The following ZSWIM5 variants were observed in gnomAD, a reference collection of about 807,000 sequenced individuals.
ZSWIM5 encodes the protein zinc finger SWIM-type containing 5.
ZSWIM5 carries 55 observed loss-of-function variants against 119.6 expected under a neutral mutation model. The ratio of observed to expected loss-of-function variants is 0.46; its 90% confidence interval spans 0.37 to 0.58. ZSWIM5 has a LOEUF of 0.58. Among genes scored for constraint, ZSWIM5 ranks in the 20% least tolerant of loss-of-function variants. ZSWIM5 has a pLI of 0.00. For synonymous variants in ZSWIM5, 537 were observed against 606.9 expected (o/e 0.88, Z 1.69); for missense variants, 1,193 against 1,512.8 (o/e 0.79, Z 3.51).
At chr1:45,100,085 T>G (rs922238654) in intron 1 of ZSWIM5, among the ~76,000 whole-genome samples, 1 of 152,066 alleles carries the variant, frequency 6.6e-6, no homozygotes, top group Non-Finnish European at 1.5e-5. Flanking sequence ...GGGTATCCAA[T>G]TAGGAAAAGA....
chr1:45,185,131 G>A (rs897148684), intron 1 of ZSWIM5, among the ~76,000 whole-genome samples: 4 of 152,000 alleles, frequency 2.6e-5, no homozygotes, highest in South Asian at 4.1e-4. Flanking sequence ...ACAAACCTGA[G>A]AAAAACAAGC....
rs377742664 is a variant in ZSWIM5 at position 45,021,654 on chromosome 1, A to G, written c.2450-866T>C. ...TGTAACTGCTGATAAAGTCAAAGAG[A>G]AGGAATGGTATGACTACAGGCTTTG... On this transcript the variant is annotated intron_variant, in intron 11 of 13. Transcript: ENST00000359600. 1.3e-3 allele frequency among the ~76,000 whole-genome samples: 200 copies of G among 152,278 alleles called. 8 individuals carry two copies. The South Asian group carries it at 0.04, about 30-fold the overall frequency.
At chr1:45,093,860 T>C (rs1354614632) in intron 1 of ZSWIM5, among the ~76,000 whole-genome samples, 2 of 150,798 alleles carry the variant, frequency 1.3e-5, no homozygotes, top group Non-Finnish European at 3.0e-5. Context: ...TTTTTTTTTT[T>C]TGAGACAGGG....
chr1:45,094,352 C>T (rs1451625600), intron 1 of ZSWIM5, among the ~76,000 whole-genome samples: 1 of 152,056 alleles, frequency 6.6e-6, no homozygotes, highest in Non-Finnish European at 1.5e-5. Flanking sequence ...CTGTGCCCAG[C>T]TGCCTGGCTA....
In ZSWIM5 at chr1:45,162,783, C is replaced by G. The variant is rs189364258; in HGVS notation, c.595+42973G>C. On this transcript the variant is annotated intron_variant, in intron 1 of 13. Transcript: ENST00000359600. Reference sequence around the variant, plus strand: ...AGCCAGGCTGGGGGAGGGGCACCCGCCATTGCTGAGGCTTGAGCAGGTAAG... The same window carrying G: ...AGCCAGGCTGGGGGAGGGGCACCCGGCATTGCTGAGGCTTGAGCAGGTAAG... Among the ~76,000 whole-genome samples, 448 of 152,340 alleles carry G rather than the reference C, an allele frequency of 2.9e-3. 2 individuals carry two copies. The highest frequency in any genetic ancestry group is 0.01 in the African/African-American group (433 of 41,596).
chr1:45,042,026 C>A (rs1327325745), intron 6 of ZSWIM5, among the ~76,000 whole-genome samples: 2 of 152,068 alleles, frequency 1.3e-5, no homozygotes, highest in Non-Finnish European at 2.9e-5. Flanking sequence ...TATTGTTGGA[C>A]ATTTATATGG....
chr1:45,181,309 C>T (rs1166546240), intron 1 of ZSWIM5, among the ~76,000 whole-genome samples: 7 of 151,646 alleles, frequency 4.6e-5, no homozygotes, highest in African/African-American at 9.7e-5. Flanking sequence ...GGAGCCGATG[C>T]GATCAACTGG....
In ZSWIM5 at chr1:45,196,278, T is replaced by C. The variant is rs151017084; in HGVS notation, c.595+9478A>G. On this transcript the variant is annotated intron_variant, in intron 1 of 13. Transcript: ENST00000359600. The stretch of plus-strand genomic sequence containing the variant: ...AAATTTGGTCCTAATTCTCAGCAGA[T>C]TCTGACGTGATTAATTTGGGGTGAG... Among the ~76,000 whole-genome samples, 1,512 of 151,924 alleles carry C rather than the reference T, an allele frequency of 1.0e-2. 31 individuals are homozygous for C. The highest frequency in any genetic ancestry group is 0.034 in the African/African-American group (1,419 of 41,436).
intron 1 of ZSWIM5, among the ~76,000 whole-genome samples, chr1:45,196,384 CTTTTTTTTTTTT>C (rs767673983): frequency 5.2e-5 from 4 of 76,384 alleles, no homozygotes; most frequent in Admixed American, 1.8e-4. Flanking sequence ...CCCACAATTC[CTTTTTTTTTTTT>C]TTTTTTTTTT....
chr1:45,039,192 C>T (rs1000090318), intron 7 of ZSWIM5, 119 bp from the exon 8 acceptor site: 4 of 1,262,740 alleles, frequency 3.2e-6, no homozygotes, highest in African/African-American at 1.5e-5. Context: ...AAAAGCTTCT[C>T]TATTGTCTTG....
chr1:45,116,745 G>T (rs1645560514), intron 1 of ZSWIM5, among the ~76,000 whole-genome samples: 1 of 151,142 alleles, frequency 6.6e-6, no homozygotes, highest in Non-Finnish European at 1.5e-5. Context: ...TAGGACTTTT[G>T]TTTTTTTTTA....
At chr1:45,115,505 G>A (rs552668298) in intron 1 of ZSWIM5, among the ~76,000 whole-genome samples, 4 of 150,652 alleles carry the variant, frequency 2.7e-5, no homozygotes, top group South Asian at 2.1e-4. Flanking sequence ...AGACGGGGTC[G>A]CGGCCGGGCA....
chr1:45,101,775 C>A (rs1406953870), intron 1 of ZSWIM5, among the ~76,000 whole-genome samples: 1 of 152,236 alleles, frequency 6.6e-6, no homozygotes, highest in South Asian at 2.1e-4. Flanking sequence ...TCATTCTGAG[C>A]AAACTGTCAC....
chr1:45,175,869 T>C (rs1645977235), intron 1 of ZSWIM5, among the ~76,000 whole-genome samples: 1 of 151,984 alleles, frequency 6.6e-6, no homozygotes, highest in African/African-American at 2.4e-5. Flanking sequence ...ATTTGGCTAA[T>C]GGGAATCTCT....
intron 2 of ZSWIM5, among the ~76,000 whole-genome samples, chr1:45,084,974 T>G (rs1451867445): frequency 1.3e-5 from 2 of 152,236 alleles, no homozygotes; most frequent in African/African-American, 4.8e-5. Context: ...CCAACCCACA[T>G]TTCCCCTCCA....
intron 1 of ZSWIM5, among the ~76,000 whole-genome samples, chr1:45,122,833 C>G (rs185350347): frequency 6.6e-6 from 1 of 152,312 alleles, no homozygotes; most frequent in Non-Finnish European, 1.5e-5. Flanking sequence ...ACCAAACCCC[C>G]ACCAAGGCTG....
At position 45,034,397 on chromosome 1, in the gene ZSWIM5, G is replaced by A. The variant is rs1644970610; in HGVS notation, c.2364C>T (p.Pro788=). The A allele has an allele frequency of 1.2e-6, 2 of 1,613,862 alleles. No homozygotes were observed. The highest frequency in any genetic ancestry group is 1.7e-5 in the Admixed American group (1 of 59,980). The change falls in exon 11 of 14, where the codon CCC becomes CCT. Residue 788 remains proline, a synonymous_variant. Coordinates refer to ENST00000359600, the MANE Select transcript of ZSWIM5 (RefSeq NM_020883.2). ...SHPHHMVSVV[P]SRYPRWFTLG... The stretch of plus-strand genomic sequence containing the variant: ...GCGTGAACCAGCGAGGATAACGGCT[G>A]GGCACCACAGACACCATATGGTGAG...
Position 45,055,377 on chromosome 1 carries a change from T to C in ZSWIM5, c.1252+3232A>G, listed in dbSNP as rs776137461. ...CTGACCTCAGGTGATCTGCCTGCCT[T>C]GTCCTCCCAAAGTGCTAGGATTACA... On this transcript the variant is annotated intron_variant, in intron 4 of 13. Transcript: ENST00000359600. Among the ~76,000 whole-genome samples, 22 of 152,230 alleles carry C rather than the reference T, an allele frequency of 1.4e-4. No individual in the cohort carries two copies. In the Middle Eastern group the frequency reaches 0.01, roughly 71 times the overall value.
chr1:45,113,200 C>T (rs1172803126), intron 1 of ZSWIM5, among the ~76,000 whole-genome samples: 2 of 152,100 alleles, frequency 1.3e-5, no homozygotes, highest in African/African-American at 4.8e-5. Flanking sequence ...CTATCACCAG[C>T]ACTGTAATGT....
Sources: allele counts gnomAD v4.1 joint callset (sites outside exome capture counted in the v4.1 genomes callset), GRCh38; gene constraint gnomAD v4.1.1; transcripts MANE v1.5; gene names NCBI Gene and HGNC (gene_info 2026-07-23, HGNC 2026-07-21).